ZNF430: variants seen among roughly 807,000 people sequenced by gnomAD.
ZNF430 encodes the protein zinc finger protein 430.
ZNF430 carries 35 observed loss-of-function variants against 56.7 expected under a neutral mutation model. The ratio of observed to expected loss-of-function variants is 0.62; its 90% CI spans 0.47 to 0.82. ZNF430 has a LOEUF of 0.82. Ranked by LOEUF, ZNF430 falls within the 40% of genes least tolerant of loss-of-function variation. The pLI is 0.00. For missense variants in ZNF430, 574 were observed against 661.0 expected, an observed-to-expected ratio of 0.87 and a Z score of 1.44; for synonymous variants, 212 against 224.3, an observed-to-expected ratio of 0.94 and a Z score of 0.49.
intron 4 of ZNF430, chr19:21,035,202 C>T (rs1037641967): frequency 1.3e-5 from 2 of 152,030 alleles, no homozygotes; most frequent in Non-Finnish European, 2.9e-5. Context: ...TGTAGACATG[C>T]AATATTTTTA....
chr19:21,040,988 C>G (rs1968092299), intron 4 of ZNF430, among the ~76,000 whole-genome samples: 1 of 152,136 alleles, frequency 6.6e-6, no homozygotes, highest in Admixed American at 6.6e-5. Context: ...ATTATGGTTA[C>G]TATTTGCATG....
chr19:21,032,487 G>A, intron 2 of ZNF430, among the ~76,000 whole-genome samples: 1 of 152,172 alleles, frequency 6.6e-6, no homozygotes, highest in African/African-American at 2.4e-5. Flanking sequence ...CAGCACTTTG[G>A]GAGGGCGAGG....
At chr19:21,052,412 A>G (rs1189086549) in intron 4 of ZNF430, among the ~76,000 whole-genome samples, 1 of 152,134 alleles carries the variant, frequency 6.6e-6, no homozygotes, top group Non-Finnish European at 1.5e-5. Flanking sequence ...AAAGTTGGGT[A>G]TTGAAATGTC....
intron 4 of ZNF430, chr19:21,049,689 C>CAACATTTCTTCTTACATTTCGTGT (rs1968249494): frequency 9.0e-5 from 12 of 133,116 alleles, no homozygotes; most frequent in African/African-American, 3.2e-4. Flanking sequence ...ACATTTCGTG[C>CAACATTTCTTCTTACATTTCGTGT]AACATTTCTT....
intron 4 of ZNF430, among the ~76,000 whole-genome samples, chr19:21,040,577 T>C (rs940620912): frequency 3.9e-5 from 6 of 152,242 alleles, no homozygotes; most frequent in African/African-American, 1.4e-4. Flanking sequence ...ACACACTTCT[T>C]ATACAGTCTG....
intron 4 of ZNF430, among the ~76,000 whole-genome samples, chr19:21,041,417 T>A (rs1421704254): frequency 6.6e-6 from 1 of 152,240 alleles, no homozygotes; most frequent in Non-Finnish European, 1.5e-5. Context: ...TACTTTTTTT[T>A]ATTAAGTAGT....
chr19:21,037,732 C>T (rs1968029395), intron 4 of ZNF430, among the ~76,000 whole-genome samples: 2 of 152,198 alleles, frequency 1.3e-5, no homozygotes, highest in South Asian at 2.1e-4. Flanking sequence ...GCATCATCAA[C>T]AGATTTGGTG....
intron 2 of ZNF430, among the ~76,000 whole-genome samples, chr19:21,027,454 T>C (rs73014823): frequency 0.054 from 8,188 of 152,284 alleles, 300 homozygotes; most frequent in Middle Eastern, 0.1. Flanking sequence ...TTATTGATTG[T>C]ATATGGAACC....
intron 4 of ZNF430, among the ~76,000 whole-genome samples, chr19:21,038,920 C>G (rs1033381398): frequency 6.6e-6 from 1 of 152,120 alleles, no homozygotes; most frequent in Non-Finnish European, 1.5e-5. Context: ...CTAAATTAAA[C>G]TTTTTGAACC....
rs149108116 is a variant in ZNF430 at position 21,055,806 on chromosome 19, T to C, written c.323-825T>C. Among the ~76,000 whole-genome samples the C allele has an allele frequency of 7.7e-3, 1,179 of 152,280 alleles. 15 individuals are homozygous for C. Among genetic ancestry groups the C allele is most frequent in the African/African-American group, 0.027 (1,138 of 41,548 alleles). Reference sequence around the variant, plus strand: ...ACTTGCTACACCTGTTTTCTGTGTGTGGCACTGCAGTCTCTCTGCTGCTGT... The same window carrying C: ...ACTTGCTACACCTGTTTTCTGTGTGCGGCACTGCAGTCTCTCTGCTGCTGT... On this transcript the variant is annotated intron_variant, in intron 4 of 4. Transcript: ENST00000261560.
At chr19:21,032,554 C>CCCGT (rs929931115) in intron 2 of ZNF430, among the ~76,000 whole-genome samples, 2 of 152,050 alleles carry the variant, frequency 1.3e-5, no homozygotes, top group African/African-American at 4.8e-5. Context: ...ATGGAGAAAC[C>CCCGT]CCGTCTTTAC....
At chr19:21,034,261 T>C (rs908543693) in intron 4 of ZNF430, 77 bp downstream of exon 4, 3 of 1,128,756 alleles carry the variant, frequency 2.7e-6, no homozygotes, top group Non-Finnish European at 3.7e-6. Context: ...AAAATGTTAT[T>C]TGAGAATCTG....
In ZNF430 at chr19:21,022,886, C is replaced by T. The variant is rs564658317; in HGVS notation, c.96+5C>T. On this transcript the variant is annotated splice_donor_5th_base_variant and intron_variant, in intron 2 of 4. Transcript: ENST00000261560. The stretch of plus-strand genomic sequence containing the variant: ...GTGTACTCTTTTTATGAAAAGGTAA[C>T]CCCTTGAGATGTTAAAATTGTCTTC... 2 of 1,605,116 alleles carry T rather than the reference C, an allele frequency of 1.2e-6. No individual in the cohort carries two copies. Among genetic ancestry groups the T allele is most frequent in the South Asian group, 1.1e-5 (1 of 90,894 alleles).
At chr19:21,028,529 C>T (rs1367783241) in intron 2 of ZNF430, among the ~76,000 whole-genome samples, 1 of 152,152 alleles carries the variant, frequency 6.6e-6, no homozygotes, top group African/African-American at 2.4e-5. Context: ...GGCCATCAGC[C>T]CAGGGTCACT....
At chr19:21,033,333 A>T in intron 2 of ZNF430, 123 bp from the exon 3 acceptor site, 1 of 1,329,070 alleles carries the variant, frequency 7.5e-7, no homozygotes, top group Non-Finnish European at 1.0e-6. Flanking sequence ...GGATAATTTC[A>T]GTCATTCCTG....
intron 1 of ZNF430, among the ~76,000 whole-genome samples, chr19:21,022,352 C>T (rs866453795): frequency 9.9e-5 from 15 of 152,270 alleles, no homozygotes; most frequent in Middle Eastern, 6.8e-3. Flanking sequence ...TTCTTTCTGG[C>T]GTTCCCAAAT....
chr19:21,057,888 C>T lies in ZNF430; in HGVS notation c.1580C>T (p.Thr527Ile), dbSNP rs143142012. 3 of 1,613,214 alleles carry T rather than the reference C, an allele frequency of 1.9e-6. No individual in the cohort carries two copies. Among genetic ancestry groups the T allele is most frequent in the Non-Finnish European group, 2.5e-6 (3 of 1,179,788 alleles). ...GATAAAGCCTTTAGCCAGTCTTCAA[C>T]TCTTACTAAACATAAGGTAATTCAT... Reference protein sequence around the residue: ...ECDKAFSQSSTLTKHKVIHTG... With the variant: ...ECDKAFSQSSILTKHKVIHTG... The change falls in exon 5 of 5, where the codon ACT (threonine) becomes ATT (isoleucine). Residue 527 changes from threonine to isoleucine, a missense_variant. This residue lies in a region of ZNF430 where 213 missense variants were observed against 221.0 expected (regional missense o/e 0.96). Coordinates refer to ENST00000261560, the MANE Select transcript of ZNF430 (RefSeq NM_025189.4).
chr19:21,037,854 G>A (rs146694486), intron 4 of ZNF430, among the ~76,000 whole-genome samples: 9 of 152,070 alleles, frequency 5.9e-5, no homozygotes, highest in African/African-American at 1.9e-4. Context: ...CATTTCAAAT[G>A]CTTTTTCCAT....
intron 2 of ZNF430, among the ~76,000 whole-genome samples, chr19:21,030,568 C>T (rs942291581): frequency 1.4e-5 from 2 of 141,160 alleles, no homozygotes; most frequent in African/African-American, 5.2e-5. Context: ...AAAGAGCCAG[C>T]GAAGAATATA....
Sources: gnomAD v4.1 joint callset for allele counts (sites outside exome capture counted in the v4.1 genomes callset) on GRCh38, gnomAD v4.1.1 for gene constraint, gnomAD v4.1.1 regional missense constraint, MANE v1.5 for transcripts, NCBI Gene and HGNC (gene_info 2026-07-23, HGNC 2026-07-21) for gene names.